The following REPS1 variants were observed in gnomAD, a reference collection of about 807,000 sequenced individuals.
REPS1 encodes the protein ralBP1-associated Eps domain-containing protein 1.
A neutral mutation model predicts 100.9 loss-of-function variants in REPS1; 39 were observed. That is an observed-to-expected ratio of 0.39 (90% CI 0.30 to 0.50). The LOEUF (loss-of-function observed/expected upper bound fraction) is 0.50. REPS1 is among the 20% of genes least tolerant of loss of function. The pLI is 0.86. For missense variants in REPS1, 821 were observed against 968.5 expected (o/e 0.85, Z 2.02); for synonymous variants, 324 against 340.3 (o/e 0.95, Z 0.53).
chr6:138,987,833 G>T lies in REPS1; in HGVS notation c.-151C>A. ...GGCCTCACACGCGCCAGGTGCGCCC[G>T]AGCAACAGGGCCCGGAGGTCGCGAG... On this transcript the variant is annotated 5_prime_UTR_variant, in exon 1 of 20. Transcript: ENST00000450536. 3.3e-6 allele frequency: 3 copies of T among 922,442 alleles called. No individual in the cohort carries two copies. Among genetic ancestry groups the T allele is most frequent in the Non-Finnish European group, 4.3e-6 (3 of 692,428 alleles). The allele number at this position is 922,442 out of a possible 1,614,324, so 57.1% of individuals were successfully genotyped here. A position where few individuals can be genotyped will look rare whatever the true frequency, so the allele number is the denominator to read the frequency against.
chr6:138,974,279 A>G (rs893482041), intron 1 of REPS1, among the ~76,000 whole-genome samples: 1 of 152,238 alleles, frequency 6.6e-6, no homozygotes, highest in Non-Finnish European at 1.5e-5. Flanking sequence ...CAATTCTTGA[A>G]TATCGTAAGA....
At chr6:138,967,938 A>G (rs918895066) in intron 1 of REPS1, among the ~76,000 whole-genome samples, 57 of 152,222 alleles carry the variant, frequency 3.7e-4, no homozygotes, top group African/African-American at 1.2e-3. Flanking sequence ...ATTAATGCCC[A>G]GAGAAACTAA....
intron 1 of REPS1, among the ~76,000 whole-genome samples, chr6:138,976,703 T>G (rs549865592): frequency 1.3e-5 from 2 of 152,228 alleles, no homozygotes; most frequent in Non-Finnish European, 2.9e-5. Flanking sequence ...CTAAATCATA[T>G]TATTTTTAGC....
rs1276887343 is a variant in REPS1, at chr6:138,920,162, C to CTCTA, written c.1528+49_1528+52dup. ...TGCATACACATCTGAAATAGTCAGA[C>CTCTA]TCTAAATCCAGACTTAGTAAACTTC... On this transcript the variant is annotated intron_variant, in intron 12 of 19. Coordinates refer to ENST00000450536, the MANE Select transcript of REPS1 (RefSeq NM_001286611.2). 3.2e-6 allele frequency: 3 copies of CTCTA among 943,834 alleles called. No homozygotes were observed. The Admixed American group carries it at 5.2e-5, about 16-fold the overall frequency. The allele number at this position is 943,834 out of a possible 1,614,324, so 58.5% of individuals were successfully genotyped here.
At chr6:138,921,978 T>TGA (rs1396378702) in intron 10 of REPS1, among the ~76,000 whole-genome samples, 1 of 40,258 alleles carries the variant, frequency 2.5e-5, no homozygotes. Flanking sequence ...TCTCAAAAAG[T>TGA]GTGTGTGTGT....
At chr6:138,957,662 G>A (rs7775078) in intron 1 of REPS1, among the ~76,000 whole-genome samples, 97,595 of 151,950 alleles carry the variant, frequency 0.64, 33,364 homozygotes, top group African/African-American at 0.88. Flanking sequence ...AGATCAAAGT[G>A]CAATGACAGA....
At chr6:138,932,742 A>G (rs534650008) in intron 8 of REPS1, among the ~76,000 whole-genome samples, 2 of 152,358 alleles carry the variant, frequency 1.3e-5, no homozygotes, top group South Asian at 2.1e-4. Context: ...CTGATAATCT[A>G]TAATAATTCG....
At chr6:138,911,142 T>A (rs1325007486) in intron 17 of REPS1, 134 bp downstream of exon 17, 1 of 597,528 alleles carries the variant, frequency 1.7e-6, no homozygotes, top group Non-Finnish European at 3.0e-6. Context: ...GACTTTGTTC[T>A]GAGCTAGACT....
chr6:138,905,452 C>T (rs1294398567), intron 19 of REPS1, among the ~76,000 whole-genome samples: 3 of 147,492 alleles, frequency 2.0e-5, no homozygotes, highest in Non-Finnish European at 3.0e-5. Context: ...CCACCGCGCC[C>T]GGCTAATTTT....
intron 1 of REPS1, among the ~76,000 whole-genome samples, chr6:138,956,966 T>C (rs1337726304): frequency 3.3e-5 from 5 of 151,288 alleles, no homozygotes; most frequent in African/African-American, 1.2e-4. Flanking sequence ...CAAAGCTCAA[T>C]AGAAACACTA....
chr6:138,972,797 T>A (rs1256938848), intron 1 of REPS1, among the ~76,000 whole-genome samples: 1 of 152,122 alleles, frequency 6.6e-6, no homozygotes, highest in East Asian at 1.9e-4. Context: ...TTAAAAGTAT[T>A]AACGAGAATA....
chr6:138,970,410 G>A (rs970934285), intron 1 of REPS1, among the ~76,000 whole-genome samples: 1 of 149,712 alleles, frequency 6.7e-6, no homozygotes, highest in Non-Finnish European at 1.5e-5. Context: ...GAAGTGAAAG[G>A]TCACTGGATT....
chr6:138,916,223 T>C (rs900374978), intron 13 of REPS1: 91 of 247,276 alleles, frequency 3.7e-4, no homozygotes, highest in African/African-American at 1.8e-3. Context: ...TTTTTCTTTT[T>C]TTTTTTTTTT....
chr6:138,910,542 CG>C (rs1425399717), intron 17 of REPS1, among the ~76,000 whole-genome samples: 3 of 152,026 alleles, frequency 2.0e-5, no homozygotes, highest in Non-Finnish European at 4.4e-5. Context: ...TTTGTAGAGA[CG>C]GGGTTTCGCC....
At chr6:138,946,972 T>C (rs1782654636) in intron 2 of REPS1, among the ~76,000 whole-genome samples, 1 of 151,978 alleles carries the variant, frequency 6.6e-6, no homozygotes, top group Non-Finnish European at 1.5e-5. Context: ...CATGCTGCTC[T>C]TGTGATAGTG....
chr6:138,917,570 T>G lies in REPS1; in HGVS notation c.1586A>C (p.Asn529Thr), dbSNP rs553814177. The change falls in exon 13 of 20, where the codon AAT (asparagine) becomes ACT (threonine). Residue 529 changes from asparagine to threonine, a missense_variant. Asn to Thr is a moderately conservative substitution (Grantham distance 65). Coordinates refer to ENST00000450536, the MANE Select transcript of REPS1 (RefSeq NM_001286611.2). ...FTSDPEQIGS[N>T]VTRQRSHSGT... ...AAATACTGACCTTTGACGAGTTACA[T>G]TGCTCCCGATCTGTTCTGGGTCAGA... 6.2e-7 allele frequency: 1 copy of G among 1,613,178 alleles called. No individual in the cohort carries two copies. The highest frequency in any genetic ancestry group is 8.5e-7 in the Non-Finnish European group (1 of 1,179,398).
chr6:138,931,049 G>A (rs775045626), intron 8 of REPS1, among the ~76,000 whole-genome samples: 2 of 152,090 alleles, frequency 1.3e-5, no homozygotes, highest in Admixed American at 6.6e-5. Flanking sequence ...TATAACCCCA[G>A]TCAACAGGGA....
chr6:138,945,068 A>T, intron 4 of REPS1, 151 bp downstream of exon 4: 1 of 573,014 alleles, frequency 1.7e-6, no homozygotes, highest in African/African-American at 1.9e-5. Flanking sequence ...AATAATTGTT[A>T]CTTTCAAAAA....
At position 138,984,268 on chromosome 6, in the gene REPS1, A is replaced by C. The variant is rs192806641; in HGVS notation, c.153+3262T>G. Among the ~76,000 whole-genome samples, 307 of 152,040 alleles carry C rather than the reference A, an allele frequency of 2.0e-3. 3 individuals carry two copies. Among genetic ancestry groups the C allele is most frequent in the African/African-American group, 7.0e-3 (290 of 41,494 alleles). On this transcript the variant is annotated intron_variant, in intron 1 of 19. Transcript: ENST00000450536. ...GCGGCTAATTTTGTATTTTTAGTAC[A>C]GAAAGGGTTTCACCATGTTGGCCAG...
Sources: gnomAD v4.1 joint callset for allele counts (sites outside exome capture counted in the v4.1 genomes callset) on GRCh38, gnomAD v4.1.1 for gene constraint, MANE v1.5 for transcripts, NCBI Gene and HGNC (gene_info 2026-07-23, HGNC 2026-07-21) for gene names.